Variants in OXTR observed in about 807,000 individuals in gnomAD.
The protein encoded by OXTR is oxytocin receptor.
OXTR carries 19 observed loss-of-function variants against 23.9 expected under a neutral mutation model. The observed-to-expected ratio is 0.80, with a 90% CI of 0.56 to 1.17. The LOEUF (loss-of-function observed/expected upper bound fraction) is 1.17. Among genes scored for constraint, OXTR ranks in the 50% most tolerant of loss-of-function variants. OXTR has a pLI of 0.00. For synonymous variants in OXTR, 278 were observed against 250.5 expected (o/e 1.11, Z -1.04); for missense variants, 500 against 550.7 (o/e 0.91, Z 0.92).
Position 8,768,361 on chromosome 3 carries a change from C to G in OXTR, c.-142-32G>C. On this transcript the variant is annotated intron_variant, in intron 2 of 3. Transcript: ENST00000316793. The surrounding 1 kb of genome is among the most constrained non-coding windows in gnomAD (Gnocchi z 5.4). ...CAAACCGGGAGGGCCGTGAGGAGAC[C>G]GCCGCGTTTCTCTTCCGACGCGGGT... The G allele has an allele frequency of 9.4e-7, 1 of 1,062,230 alleles. No individual in the cohort carries two copies. The highest frequency in any genetic ancestry group is 1.2e-6 in the Non-Finnish European group (1 of 841,164). The allele number at this position is 1,062,230 out of a possible 1,614,324, so 65.8% of individuals were successfully genotyped here. A position where few individuals can be genotyped will look rare whatever the true frequency, so the allele number is the denominator to read the frequency against.
intron 3 of OXTR, among the ~76,000 whole-genome samples, chr3:8,764,986 C>T (rs573940960): frequency 2.8e-4 from 42 of 152,240 alleles, no homozygotes; most frequent in Non-Finnish European, 5.1e-4. Flanking sequence ...TTAAAGTCCT[C>T]TTCTTTCCCT....
At chr3:8,758,006 TG>T (rs1343834188) in intron 3 of OXTR, among the ~76,000 whole-genome samples, 1 of 151,958 alleles carries the variant, frequency 6.6e-6, no homozygotes, top group East Asian at 1.9e-4. Flanking sequence ...GCACAAGAGC[TG>T]GGGACTAGGG....
Position 8,753,013 on chromosome 3 carries a change from G to A in OXTR, c.1134C>T (p.Ser378=), listed in dbSNP as rs746072418. The A allele has an allele frequency of 6.2e-7, 1 of 1,613,916 alleles. No homozygotes were observed. Among genetic ancestry groups the A allele is most frequent in the Non-Finnish European group, 8.5e-7 (1 of 1,179,868 alleles). Reference sequence around the variant, plus strand: ...ATGGCTGGGAGCAGCTCCTCTGGCTGGAGCTGCGATGGCTCAGGACAAAGG... The same window carrying A: ...ATGGCTGGGAGCAGCTCCTCTGGCTAGAGCTGCGATGGCTCAGGACAAAGG... ...SSSFVLSHRS[S]SQRSCSQPST... Residue 378 remains serine (S), a synonymous_variant, in exon 4 of 4, where the codon TCC becomes TCT. Transcript: ENST00000316793.
the OXTR span, among the ~76,000 whole-genome samples, chr3:8,745,300 C>T: frequency 1.3e-5 from 2 of 152,168 alleles, no homozygotes; most frequent in African/African-American, 2.4e-5. The surrounding 1 kb of genome is among the most constrained non-coding windows in gnomAD (Gnocchi z 4.8). Context: ...ACCATGATTC[C>T]TGCACAGATC....
chr3:8,741,879 C>G, the OXTR span, among the ~76,000 whole-genome samples: 225 of 152,268 alleles, frequency 1.5e-3, 3 homozygotes, highest in South Asian at 0.016. Context: ...AATTAATCAA[C>G]TGGGTCTCTT....
Position 8,751,244 on chromosome 3 carries a change from G to A in OXTR, c.*1733C>T, listed in dbSNP as rs931709210. 1 of 151,982 alleles carries A rather than the reference G, an allele frequency of 6.6e-6. No homozygotes were observed. Among genetic ancestry groups the A allele is most frequent in the African/African-American group, 2.4e-5 (1 of 41,366 alleles). 9.4% of individuals were successfully genotyped at this position (151,982 alleles called of 1,614,324 possible). On this transcript the variant is annotated 3_prime_UTR_variant, in exon 4 of 4. Coordinates refer to ENST00000316793, the MANE Select transcript of OXTR (RefSeq NM_000916.4). ...AAATTGATTTATTTTTCTCCTTATTGTTGTGTTATAAGAGTTATTTATATA... is the reference window on the plus strand; with the variant it reads ...AAATTGATTTATTTTTCTCCTTATTATTGTGTTATAAGAGTTATTTATATA...
downstream of OXTR, chr3:8,745,654 C>T (rs564597663): frequency 8.7e-6 from 14 of 1,614,080 alleles, no homozygotes; most frequent in East Asian, 4.5e-5. The surrounding 1 kb of genome is among the most constrained non-coding windows in gnomAD (Gnocchi z 4.8). Context: ...CGCTGCTGGG[C>T]GTCCCACTGG....
intron 3 of OXTR, among the ~76,000 whole-genome samples, chr3:8,765,319 T>C (rs1350955251): frequency 1.3e-5 from 2 of 151,834 alleles, no homozygotes; most frequent in African/African-American, 2.4e-5. Flanking sequence ...AGGAGGGAGC[T>C]GGGAGGAAAG....
At chr3:8,765,556 C>T (rs1473604653) in intron 3 of OXTR, among the ~76,000 whole-genome samples, 1 of 152,220 alleles carries the variant, frequency 6.6e-6, no homozygotes, top group African/African-American at 2.4e-5. Context: ...AGTATCTACT[C>T]CAAAGGGTGC....
intron 3 of OXTR, among the ~76,000 whole-genome samples, chr3:8,763,139 T>TC (rs1708525679): frequency 5.9e-5 from 9 of 152,078 alleles, no homozygotes; most frequent in Admixed American, 5.9e-4. Context: ...AGTCCACCTC[T>TC]CCGGCCTTAA....
chr3:8,746,068 A>T, downstream of OXTR: 1 of 570,410 alleles, frequency 1.8e-6, no homozygotes. Context: ...GCTCTCCCCC[A>T]GCCCCACCAT....
Position 8,767,587 on chromosome 3 carries a change from T to C in OXTR, c.601A>G (p.Ile201Val). ...TAGACAGCTAGCGTGATCCATGTGA[T>C]GTAGGCCTTGGGTCCCCAGGGCTGG... ...FIQPWGPKAY[I>V]TWITLAVYIV... The change falls in exon 3 of 4, where the codon ATC (isoleucine) becomes GTC (valine). Residue 201 changes from isoleucine to valine, a missense_variant. Transcript: ENST00000316793. The C allele has an allele frequency of 6.8e-6, 11 of 1,613,462 alleles. No homozygotes were observed. Among genetic ancestry groups the C allele is most frequent in the Non-Finnish European group, 8.5e-6 (10 of 1,179,776 alleles).
At position 8,768,205 on chromosome 3, in the gene OXTR, T is replaced by C; in HGVS notation, c.-18A>G. The C allele has an allele frequency of 7.8e-7, 1 of 1,280,834 alleles. No individual in the cohort carries two copies. The highest frequency in any genetic ancestry group is 9.8e-7 in the Non-Finnish European group (1 of 1,020,198). The allele number at this position is 1,280,834 out of a possible 1,614,324, so 79.3% of individuals were successfully genotyped here. On this transcript the variant is annotated 5_prime_UTR_variant, in exon 3 of 4. Coordinates refer to ENST00000316793, the MANE Select transcript of OXTR (RefSeq NM_000916.4). The surrounding 1 kb of genome is among the most constrained non-coding windows in gnomAD (Gnocchi z 5.4). Reference sequence around the variant, plus strand: ...CCCTCCATGACCCTGGCGGCAGCGGTGCGCCCCGGCCTTCGAGCCCTTTAC... The same window carrying C: ...CCCTCCATGACCCTGGCGGCAGCGGCGCGCCCCGGCCTTCGAGCCCTTTAC...
At chr3:8,744,445 ATTTTTTTTT>A in the OXTR span, among the ~76,000 whole-genome samples, 24 of 111,378 alleles carry the variant, frequency 2.2e-4, no homozygotes, top group African/African-American at 6.2e-4. Context: ...TACCCGGCTA[ATTTTTTTTT>A]TTTTTTTTTT....
Position 8,767,437 on chromosome 3 carries a change from C to G in OXTR, c.751G>C (p.Asp251His). Reference protein sequence around the residue: ...AEAPEGAAAGDGGRVALARVS... With the variant: ...AEAPEGAAAGHGGRVALARVS... ...CGCGCCAGGGCCACGCGCCCCCCAT[C>G]GCCAGCCGCCGCGCCCTCTGGCGCC... is the stretch of plus-strand genomic sequence containing the variant. The change falls in exon 3 of 4, where the codon GAT becomes CAT. Residue 251 changes from aspartate to histidine, a missense_variant. Physicochemically the swap from Asp to His is moderately conservative, Grantham distance 81 (BLOSUM62 -1). Coordinates refer to ENST00000316793, the MANE Select transcript of OXTR (RefSeq NM_000916.4). The G allele has an allele frequency of 6.2e-7, 1 of 1,603,440 alleles. No individual in the cohort carries two copies. Among genetic ancestry groups the G allele is most frequent in the South Asian group, 1.1e-5 (1 of 89,818 alleles).
At chr3:8,757,437 A>C (rs1265243631) in intron 3 of OXTR, among the ~76,000 whole-genome samples, 1 of 151,764 alleles carries the variant, frequency 6.6e-6, no homozygotes, top group Admixed American at 6.6e-5. Context: ...AAAGTTAAAA[A>C]AAAAAACAAA....
chr3:8,769,259 G>A lies in OXTR; in HGVS notation c.-267C>T, dbSNP rs963893684. ...CACCGAGTCCGCAGGCGAACCTAAA[G>A]TTGACTCCCCCCGGGGAAGTTGCAC... is the stretch of plus-strand genomic sequence containing the variant. On this transcript the variant is annotated 5_prime_UTR_variant, in exon 1 of 4. Transcript: ENST00000316793. 4 of 152,362 alleles carry A rather than the reference G, an allele frequency of 2.6e-5. No homozygotes were observed. Among genetic ancestry groups the A allele is most frequent in the African/African-American group, 9.6e-5 (4 of 41,468 alleles). 9.4% of individuals were successfully genotyped at this position (152,362 alleles called of 1,614,324 possible). A position where few individuals can be genotyped will look rare whatever the true frequency, so the allele number is the denominator to read the frequency against.
Position 8,768,380 on chromosome 3 carries a change from C to T in OXTR, c.-142-51G>A, listed in dbSNP as rs1029688269. On this transcript the variant is annotated intron_variant, in intron 2 of 3. Transcript: ENST00000316793. This position sits in a 1 kb window ranked among gnomAD's most constrained non-coding sequence, Gnocchi z 5.4. Reference sequence around the variant, plus strand: ...GGAGACCGCCGCGTTTCTCTTCCGACGCGGGTAGGGCGTGCTTGTCCCATT... The same window carrying T: ...GGAGACCGCCGCGTTTCTCTTCCGATGCGGGTAGGGCGTGCTTGTCCCATT... 1 of 902,852 alleles carries T rather than the reference C, an allele frequency of 1.1e-6. No individual in the cohort carries two copies. The highest frequency in any genetic ancestry group is 1.4e-6 in the Non-Finnish European group (1 of 696,144). 55.9% of individuals were successfully genotyped at this position (902,852 alleles called of 1,614,324 possible).
At chr3:8,745,688 G>A (rs28936686), downstream of OXTR, 166 of 1,613,978 alleles carry the variant, frequency 1.0e-4, no homozygotes, top group East Asian at 2.2e-4. The surrounding 1 kb of genome is among the most constrained non-coding windows in gnomAD (Gnocchi z 4.8). Flanking sequence ...CTTCCTGTTC[G>A]CCTGCATCTC....
Sources: allele counts gnomAD v4.1 joint callset (sites outside exome capture counted in the v4.1 genomes callset), GRCh38; gene constraint gnomAD v4.1.1; non-coding constraint Gnocchi (gnomAD v3.1); transcripts MANE v1.5; gene names NCBI Gene and HGNC (gene_info 2026-07-23, HGNC 2026-07-21).